The following TVP23C variants were observed in gnomAD, a reference collection of about 807,000 sequenced individuals.
TVP23C encodes trans-golgi network vesicle protein 23 homolog C.
In TVP23C, 19 loss-of-function variants were observed where a neutral mutation model predicts 28.7. The observed-to-expected ratio is 0.66, with a 90% CI of 0.46 to 0.97. TVP23C has a LOEUF of 0.97. Ranked by LOEUF, TVP23C falls within the 50% of genes least tolerant of loss-of-function variation. The probability of loss-of-function intolerance (pLI) is 0.00; values close to 1 mark genes in which losing one functional copy is unlikely to be tolerated. For missense variants in TVP23C, 186 were observed against 241.3 expected, an observed-to-expected ratio of 0.77 and a Z score of 1.52; for synonymous variants, 68 against 81.7, an observed-to-expected ratio of 0.83 and a Z score of 0.90.
chr17:15,503,292 C>G, intron 5 of TVP23C: 1 of 1,439,328 alleles, frequency 6.9e-7, no homozygotes, highest in Non-Finnish European at 9.1e-7. Flanking sequence ...GTGGTTCCAG[C>G]TACTTGACAG....
intron 5 of TVP23C, among the ~76,000 whole-genome samples, chr17:15,508,011 T>C (rs1230883047): frequency 6.6e-6 from 1 of 152,192 alleles, no homozygotes; most frequent in Admixed American, 6.5e-5. Flanking sequence ...CATATTGTAA[T>C]GTTTATTAAG....
rs57432478 is a variant in TVP23C at position 15,502,809 on chromosome 17, C to CCTCTCT, written c.*49_*54dup. On this transcript the variant is annotated 3_prime_UTR_variant, in exon 6 of 6. Coordinates refer to the TVP23C transcript ENST00000225576. ...TCCCTCTCTCCTCTCTCCTCTCTCT[C>CCTCTCT]CTCTCTCTCTCTCTCTCTCTCTCCT... is the stretch of plus-strand genomic sequence containing the variant. The CCTCTCT allele has an allele frequency of 4.5e-4, 643 of 1,415,588 alleles. 4 individuals carry two copies. The African/African-American group carries it at 7.6e-3, about 17-fold the overall frequency. The allele number at this position is 1,415,588 out of a possible 1,614,324, so 87.7% of individuals were successfully genotyped here. A position where few individuals can be genotyped will look rare whatever the true frequency, so the allele number is the denominator to read the frequency against.
chr17:15,524,201 C>T (rs1291896275), intron 5 of TVP23C, among the ~76,000 whole-genome samples: 1 of 151,810 alleles, frequency 6.6e-6, no homozygotes, highest in East Asian at 1.9e-4. Context: ...TGAAAATTAG[C>T]ATGACCTTCC....
downstream of TVP23C, among the ~76,000 whole-genome samples, chr17:15,533,252 G>A (rs575371374): frequency 3.3e-5 from 5 of 152,146 alleles, no homozygotes; most frequent in Admixed American, 6.5e-5. Flanking sequence ...AGCAACTTAC[G>A]GTAATGTGTA....
rs1398023467 is a variant in TVP23C, at chr17:15,538,138, G to A, written c.*2274C>T. Reference sequence around the variant, plus strand: ...TAAGCTTTCTCTATTCAGGAAGTCTGATCATCTCCAGTGTTCCGCAAAAGA... The same window carrying A: ...TAAGCTTTCTCTATTCAGGAAGTCTAATCATCTCCAGTGTTCCGCAAAAGA... On this transcript the variant is annotated 3_prime_UTR_variant, in exon 6 of 6. Coordinates refer to ENST00000518321, the MANE Select transcript of TVP23C (RefSeq NM_001135036.2). 1.9e-6 allele frequency: 3 copies of A among 1,613,766 alleles called. No individual in the cohort carries two copies. Among genetic ancestry groups the A allele is most frequent in the Non-Finnish European group, 2.5e-6 (3 of 1,179,832 alleles).
exon 6 of TVP23C, chr17:15,502,865 T>A (rs1395891394): frequency 6.3e-7 from 1 of 1,579,140 alleles, no homozygotes; most frequent in East Asian, 2.3e-5. Context: ...GGGTTGTTTT[T>A]AATGCATTCC....
In TVP23C at chr17:15,529,198, T is replaced by C. The variant is rs199866832; in HGVS notation, c.462+16587A>G. Among the ~76,000 whole-genome samples, 40 of 152,218 alleles carry C rather than the reference T, an allele frequency of 2.6e-4. 1 individual carries two copies. In the East Asian group the frequency reaches 7.8e-3, roughly 29 times the overall value. ...CAGGCTCAGAGGCTCACGCCTGTAA[T>C]CCCAGCACTTTGGGAAGCCAAGGGA... is the stretch of plus-strand genomic sequence containing the variant. On this transcript the variant is annotated intron_variant, in intron 5 of 5. Coordinates refer to the TVP23C transcript ENST00000225576.
intron 5 of TVP23C, among the ~76,000 whole-genome samples, chr17:15,527,057 T>A (rs748733951): frequency 1.3e-5 from 2 of 152,196 alleles, no homozygotes; most frequent in African/African-American, 4.8e-5. Flanking sequence ...TACATTGTTA[T>A]CTGACCTTCC....
chr17:15,528,233 A>G (rs981407084), intron 5 of TVP23C, among the ~76,000 whole-genome samples: 1 of 152,196 alleles, frequency 6.6e-6, no homozygotes, highest in African/African-American at 2.4e-5. Flanking sequence ...ATAAGTGTTT[A>G]CTGTTACGGA....
At chr17:15,519,257 T>C (rs1318906243) in intron 5 of TVP23C, among the ~76,000 whole-genome samples, 1 of 152,162 alleles carries the variant, frequency 6.6e-6, no homozygotes, top group African/African-American at 2.4e-5. Flanking sequence ...AAAACATGTA[T>C]ATGACATGGT....
downstream of TVP23C, among the ~76,000 whole-genome samples, chr17:15,532,615 C>T (rs1401410981): frequency 1.3e-5 from 2 of 152,244 alleles, no homozygotes; most frequent in African/African-American, 2.4e-5. Context: ...TTGTTGCAAT[C>T]GTTTGGTTAA....
Position 15,527,543 on chromosome 17 carries a change from C to T in TVP23C, c.462+18242G>A, listed in dbSNP as rs367596380. 1.7e-4 allele frequency among the ~76,000 whole-genome samples: 26 copies of T among 152,216 alleles called. 1 individual carries two copies. The East Asian group carries it at 3.9e-3, about 23-fold the overall frequency. ...TTCCATCTGAGCAAGTTACCATTAT[C>T]GAGTGCTTACTGTGGGCTTGGGACT... On this transcript the variant is annotated intron_variant, in intron 5 of 5. Coordinates refer to the TVP23C transcript ENST00000225576.
intron 3 of TVP23C, among the ~76,000 whole-genome samples, chr17:15,552,891 T>C (rs969713674): frequency 6.6e-6 from 1 of 150,464 alleles, no homozygotes; most frequent in African/African-American, 2.4e-5. Flanking sequence ...CTAGAGTCCA[T>C]ATTTAATATT....
rs1426810723 is a variant in TVP23C, at chr17:15,525,916, T to C, written c.462+19869A>G. Among the ~76,000 whole-genome samples, 6 of 152,154 alleles carry C rather than the reference T, an allele frequency of 3.9e-5. No homozygotes were observed. In the South Asian group the frequency reaches 1.0e-3, roughly 26 times the overall value. ...ACCCTCAGTTTCCTCATCTGTAAAA[T>C]GGTGGTAGTATCTCCCTCACACGGT... On this transcript the variant is annotated intron_variant, in intron 5 of 5. Coordinates refer to the TVP23C transcript ENST00000225576.
Position 15,508,523 on chromosome 17 carries a change from C to T in TVP23C, c.463-5291G>A, listed in dbSNP as rs1302181088. On this transcript the variant is annotated intron_variant, in intron 5 of 5. Transcript: ENST00000225576. ...GGCCAAGAGCACCCCTCCTGTTCCT[C>T]GGAGGACTGGGGAGTCCCAACTTCC... Among the ~76,000 whole-genome samples the T allele has an allele frequency of 2.6e-5, 4 of 152,156 alleles. No individual in the cohort carries two copies. In the East Asian group the frequency reaches 7.7e-4, roughly 29 times the overall value.
chr17:15,541,332 T>C (rs1428871889), intron 5 of TVP23C, among the ~76,000 whole-genome samples: 1 of 152,200 alleles, frequency 6.6e-6, no homozygotes, highest in Non-Finnish European at 1.5e-5. Context: ...GGTCAAATCA[T>C]AAATATTTCA....
At chr17:15,544,450 AGGAGGAAACT>A (rs1983555649) in intron 5 of TVP23C, among the ~76,000 whole-genome samples, 1 of 152,066 alleles carries the variant, frequency 6.6e-6, no homozygotes, top group Non-Finnish European at 1.5e-5. Context: ...CAAGAGAGAA[AGGAGGAAACT>A]CATAGGAAGG....
At chr17:15,512,355 A>G (rs1304374619) in intron 5 of TVP23C, among the ~76,000 whole-genome samples, 2 of 152,166 alleles carry the variant, frequency 1.3e-5, no homozygotes, top group Admixed American at 6.5e-5. Flanking sequence ...AAATCATGAG[A>G]TCTAAAGTCC....
intron 3 of TVP23C, among the ~76,000 whole-genome samples, chr17:15,550,394 T>G (rs1983835004): frequency 6.6e-6 from 1 of 152,210 alleles, no homozygotes; most frequent in Non-Finnish European, 1.5e-5. Context: ...GCAATTTTAT[T>G]TTGATTTTCT....
Sources: gnomAD v4.1 joint callset for allele counts (sites outside exome capture counted in the v4.1 genomes callset) on GRCh38, gnomAD v4.1.1 for gene constraint, MANE v1.5 for transcripts, NCBI Gene and HGNC (gene_info 2026-07-23, HGNC 2026-07-21) for gene names.